ABCC5: variants seen among roughly 807,000 people sequenced by gnomAD.
ABCC5 encodes the protein ATP-binding cassette sub-family C member 5.
In ABCC5, 61 loss-of-function variants were observed where a neutral mutation model predicts 160.9. That is an observed-to-expected ratio of 0.38 (90% confidence interval 0.31 to 0.47). The LOEUF is 0.47. Among genes scored for constraint, ABCC5 ranks in the 20% least tolerant of loss-of-function variants. The pLI is 0.99. For synonymous variants in ABCC5, 666 were observed against 700.6 expected, an observed-to-expected ratio of 0.95 and a Z score of 0.78; for missense variants, 1,308 against 1,813.3, an observed-to-expected ratio of 0.72 and a Z score of 5.06.
At chr3:184,000,074 A>G (rs1720620463) in intron 2 of ABCC5, among the ~76,000 whole-genome samples, 1 of 151,996 alleles carries the variant, frequency 6.6e-6, no homozygotes, top group Non-Finnish European at 1.5e-5. Context: ...GAAGTGACCA[A>G]GTGGCTGGGC....
At chr3:183,956,340 A>C (rs1298000538) in intron 17 of ABCC5, among the ~76,000 whole-genome samples, 9 of 151,022 alleles carry the variant, frequency 6.0e-5, no homozygotes, top group Non-Finnish European at 1.3e-4. Flanking sequence ...TTACATGCAG[A>C]TCCGTGTGTA....
intron 5 of ABCC5, chr3:183,984,892 A>G: frequency 6.4e-7 from 1 of 1,572,412 alleles, no homozygotes; most frequent in Non-Finnish European, 8.6e-7. Context: ...CTCCAAAGGA[A>G]GGCTGAAAGG....
chr3:183,943,265 T>G (rs866751317), intron 24 of ABCC5, among the ~76,000 whole-genome samples: 14 of 152,094 alleles, frequency 9.2e-5, no homozygotes, highest in African/African-American at 3.4e-4. Flanking sequence ...ACCACAGCAG[T>G]TTTTACTGAA....
intron 25 of ABCC5, among the ~76,000 whole-genome samples, chr3:183,938,532 C>T (rs1215158865): frequency 1.3e-5 from 2 of 152,108 alleles, no homozygotes; most frequent in South Asian, 4.1e-4. Flanking sequence ...CTCCTGATCT[C>T]GTGATCCGCC....
At chr3:183,931,211 G>T (rs547722298) in intron 26 of ABCC5, among the ~76,000 whole-genome samples, 44 of 152,100 alleles carry the variant, frequency 2.9e-4, no homozygotes, top group Non-Finnish European at 5.9e-4. Context: ...TGAAACTGCA[G>T]AAAGTGAAAC....
rs1208042178 is a variant in ABCC5 at position 183,982,066 on chromosome 3, T to C, written c.1000-192A>G. The stretch of plus-strand genomic sequence containing the variant: ...GTAATAAAACATTACTGAATTCTTA[T>C]CTCTTTATAAGGCAATGAAGACAAG... On this transcript the variant is annotated intron_variant, in intron 7 of 29. Coordinates refer to ENST00000334444, the MANE Select transcript of ABCC5 (RefSeq NM_005688.4). This position sits in a 1 kb window ranked among gnomAD's most constrained non-coding sequence, Gnocchi z 5.2. Among the ~76,000 whole-genome samples, 2 of 152,198 alleles carry C rather than the reference T, an allele frequency of 1.3e-5. No homozygotes were observed. Among genetic ancestry groups the C allele is most frequent in the Non-Finnish European group, 2.9e-5 (2 of 68,040 alleles).
chr3:183,984,425 T>C (rs1423080475), intron 5 of ABCC5: 6 of 1,006,936 alleles, frequency 6.0e-6, no homozygotes, highest in African/African-American at 3.5e-5. Flanking sequence ...AAGTCAGAGC[T>C]GAATGACAGA....
chr3:183,946,942 C>T lies in ABCC5; in HGVS notation c.3414+382G>A, dbSNP rs529541741. ...ATCAGGGCCCTGAGAAGAAAATGCA[C>T]GTAAGAAGCATATTGAGTCTATAAC... On this transcript the variant is annotated intron_variant, in intron 23 of 29. Transcript: ENST00000334444. Among the ~76,000 whole-genome samples the T allele has an allele frequency of 1.8e-4, 27 of 152,054 alleles. No homozygotes were observed. In the South Asian group the frequency reaches 2.1e-3, roughly 12 times the overall value.
At chr3:183,968,667 G>C (rs796792006) in intron 11 of ABCC5, among the ~76,000 whole-genome samples, 6 of 152,312 alleles carry the variant, frequency 3.9e-5, no homozygotes, top group African/African-American at 1.4e-4. Flanking sequence ...AAGTGGTGTT[G>C]AAAGTTTTCA....
chr3:183,928,277 A>G (rs1463394327), intron 27 of ABCC5, among the ~76,000 whole-genome samples: 4 of 151,908 alleles, frequency 2.6e-5, no homozygotes, highest in African/African-American at 9.7e-5. Context: ...ACACCCGGCT[A>G]ATTTTTGTAT....
intron 2 of ABCC5, among the ~76,000 whole-genome samples, chr3:183,996,428 A>T (rs1003311340): frequency 9.9e-5 from 15 of 152,236 alleles, no homozygotes; most frequent in Non-Finnish European, 2.2e-4. Flanking sequence ...TAATATTTTT[A>T]AAATCCTCTG....
intron 2 of ABCC5, among the ~76,000 whole-genome samples, chr3:183,998,560 T>C (rs189528640): frequency 1.1e-3 from 174 of 152,296 alleles, no homozygotes; most frequent in South Asian, 8.7e-3. Context: ...AGGTAGGTAC[T>C]AGTATCCCTG....
intron 5 of ABCC5, chr3:183,984,703 C>T: frequency 1.3e-6 from 2 of 1,519,304 alleles, no homozygotes; most frequent in South Asian, 1.2e-5. Flanking sequence ...TGGGTCACCA[C>T]TGTATACAGC....
intron 2 of ABCC5, among the ~76,000 whole-genome samples, chr3:183,991,072 G>A (rs1213078217): frequency 3.9e-5 from 6 of 152,112 alleles, no homozygotes; most frequent in African/African-American, 1.2e-4. Flanking sequence ...TGGAAGGATC[G>A]GTTGAGCTCA....
At chr3:183,965,961 A>G (rs1262247637) in intron 12 of ABCC5, among the ~76,000 whole-genome samples, 4 of 152,186 alleles carry the variant, frequency 2.6e-5, no homozygotes, top group East Asian at 1.9e-4. Flanking sequence ...AGTCCAGGTT[A>G]GACATCACCT....
rs368461133 is a variant in ABCC5, at chr3:183,951,416, T to TA, written c.2944+24dup. The stretch of plus-strand genomic sequence containing the variant: ...GGAAGCACAGTGAGCTCCAGAGTAT[T>TA]AAAAAAAGGCTCAGTGAGAAATACC... On this transcript the variant is annotated intron_variant, in intron 20 of 29. Transcript: ENST00000334444. The surrounding 1 kb of genome is among the most constrained non-coding windows in gnomAD (Gnocchi z 4.7). 14 of 1,612,430 alleles carry TA rather than the reference T, an allele frequency of 8.7e-6. No individual in the cohort carries two copies. The highest frequency in any genetic ancestry group is 1.2e-5 in the Non-Finnish European group (14 of 1,179,388).
chr3:184,008,001 C>T (rs1721377814), intron 2 of ABCC5, among the ~76,000 whole-genome samples: 1 of 152,168 alleles, frequency 6.6e-6, no homozygotes, highest in Non-Finnish European at 1.5e-5. Context: ...AAATTCTATC[C>T]ATTCCTCAAG....
At position 183,949,203 on chromosome 3, in the gene ABCC5, TGAA is replaced by T. The variant is rs1420164849; in HGVS notation, c.3227+547_3227+549del. Among the ~76,000 whole-genome samples the T allele has an allele frequency of 3.0e-4, 45 of 152,212 alleles. No homozygotes were observed. Among genetic ancestry groups the T allele is most frequent in the African/African-American group, 1.1e-3 (44 of 41,444 alleles). On this transcript the variant is annotated intron_variant, in intron 22 of 29. Transcript: ENST00000334444. The surrounding 1 kb of genome is among the most constrained non-coding windows in gnomAD (Gnocchi z 4.2). ...ATAGCTTATTCAACCTGTCCTATAT[TGAA>T]GAACATTTTAGTTCCAATCTCTTAT...
intron 2 of ABCC5, among the ~76,000 whole-genome samples, chr3:184,002,725 C>T (rs1398603153): frequency 6.6e-6 from 1 of 152,218 alleles, no homozygotes; most frequent in African/African-American, 2.4e-5. Context: ...GCACGGAGGC[C>T]TCTGGGACAG....
Sources: gnomAD v4.1 joint callset for allele counts (sites outside exome capture counted in the v4.1 genomes callset) on GRCh38, gnomAD v4.1.1 for gene constraint, Gnocchi (gnomAD v3.1) non-coding constraint, MANE v1.5 for transcripts, NCBI Gene and HGNC (gene_info 2026-07-23, HGNC 2026-07-21) for gene names.